The following ANK2 variants were observed in gnomAD, a reference collection of about 807,000 sequenced individuals.
ANK2 encodes the protein ankyrin-2.
ANK2 carries 83 observed loss-of-function variants against 360.5 expected under a neutral mutation model. The ratio of observed to expected loss-of-function variants is 0.23; its 90% CI spans 0.19 to 0.28. The LOEUF is 0.28. Among genes scored for constraint, ANK2 ranks in the 10% least tolerant of loss-of-function variants. The pLI is 1.00. For synonymous variants in ANK2, 1,740 were observed against 1,759.5 expected, an observed-to-expected ratio of 0.99 and a Z score of 0.28; for missense variants, 4,201 against 4,795.7, an observed-to-expected ratio of 0.88 and a Z score of 3.66.
At chr4:113,054,322 T>TAC (rs34708446) in intron 1 of ANK2, among the ~76,000 whole-genome samples, 113,749 of 149,658 alleles carry the variant, frequency 0.76, 43,261 homozygotes, top group East Asian at 0.86. Context: ...ATTTTGAAGG[T>TAC]ACACACACAC....
intron 45 of ANK2, 77 bp downstream of exon 45, chr4:113,373,526 T>C (rs2154075675): frequency 1.4e-6 from 2 of 1,456,966 alleles, no homozygotes; most frequent in Non-Finnish European, 1.9e-6. Context: ...AGTGAGATTG[T>C]TTATTCATAT....
At chr4:113,098,541 G>C (rs919452823) in intron 1 of ANK2, among the ~76,000 whole-genome samples, 7 of 151,878 alleles carry the variant, frequency 4.6e-5, no homozygotes, top group African/African-American at 1.7e-4. Flanking sequence ...TCAAATCAAT[G>C]GTTAATAACC....
the ANK2 span, among the ~76,000 whole-genome samples, chr4:112,727,285 A>G: frequency 6.6e-6 from 1 of 152,080 alleles, no homozygotes; most frequent in Non-Finnish European, 1.5e-5. Flanking sequence ...CCTCAGTTTC[A>G]TCACTTGAAA....
chr4:112,767,700 T>C, the ANK2 span, among the ~76,000 whole-genome samples: 1 of 152,344 alleles, frequency 6.6e-6, no homozygotes, highest in South Asian at 2.1e-4. Context: ...GTTATCTCTC[T>C]GAATATATGT....
chr4:113,039,058 A>G (rs774831085), intron 2 of ANK2, among the ~76,000 whole-genome samples: 10 of 152,238 alleles, frequency 6.6e-5, no homozygotes, highest in Middle Eastern at 3.4e-3. Context: ...TTAGAATGCC[A>G]CCATTCCTGA....
chr4:113,255,122 T>A (rs190351094), intron 10 of ANK2, among the ~76,000 whole-genome samples: 1 of 152,344 alleles, frequency 6.6e-6, no homozygotes, highest in African/African-American at 2.4e-5. Context: ...TATCCTCAAC[T>A]GTAAAAGTTG....
Position 112,918,355 on chromosome 4 carries a change from C to T in ANK2, c.21+13841C>T, listed in dbSNP as rs77324114. On this transcript the variant is annotated intron_variant, in intron 2 of 30. Coordinates refer to the ANK2 transcript ENST00000503271. ...AAATAATTCAGGTTATGAAAGCACC[C>T]GAAAGAACATAAGTGGGAAAGTGAC... Among the ~76,000 whole-genome samples the T allele has an allele frequency of 5.6e-4, 85 of 151,848 alleles. No individual in the cohort carries two copies. The East Asian group carries it at 0.016, about 28-fold the overall frequency.
chr4:113,288,244 T>C, intron 19 of ANK2, 144 bp from the exon 20 acceptor site: 1 of 727,854 alleles, frequency 1.4e-6, no homozygotes, highest in Non-Finnish European at 2.3e-6. Flanking sequence ...GGGGCACATA[T>C]ATAATCTGCT....
At chr4:113,336,910 A>G (rs1263890199) in intron 31 of ANK2, 129 bp downstream of exon 31, 2 of 892,184 alleles carry the variant, frequency 2.2e-6, no homozygotes, top group Non-Finnish European at 3.6e-6. Flanking sequence ...ATACATTTTA[A>G]TTAACTAGGG....
intron 24 of ANK2, among the ~76,000 whole-genome samples, chr4:113,315,148 A>G (rs2082080441): frequency 6.6e-6 from 1 of 152,202 alleles, no homozygotes; most frequent in Admixed American, 6.5e-5. Flanking sequence ...TATTCCTCTC[A>G]GTACAAAACC....
intron 2 of ANK2, among the ~76,000 whole-genome samples, chr4:113,023,017 A>G (rs1257877635): frequency 1.3e-5 from 2 of 152,190 alleles, no homozygotes; most frequent in Non-Finnish European, 2.9e-5. Context: ...TAGCTAATGC[A>G]TGTGGGACCT....
At chr4:112,954,394 C>T (rs2095233834) in intron 2 of ANK2, among the ~76,000 whole-genome samples, 1 of 152,082 alleles carries the variant, frequency 6.6e-6, no homozygotes, top group Non-Finnish European at 1.5e-5. Flanking sequence ...TCTATTTATA[C>T]CATTTACTGT....
intron 23 of ANK2, among the ~76,000 whole-genome samples, chr4:113,308,615 G>A (rs560447900): frequency 3.7e-4 from 56 of 152,302 alleles, no homozygotes; most frequent in African/African-American, 1.3e-3. Flanking sequence ...AAGGAGAATA[G>A]TTTTACAAAG....
chr4:113,306,565 A>T (rs569081329), intron 23 of ANK2, among the ~76,000 whole-genome samples: 24 of 152,362 alleles, frequency 1.6e-4, no homozygotes, highest in African/African-American at 5.8e-4. Flanking sequence ...TATTGAGAAG[A>T]ACCTGGAAGG....
the ANK2 span, among the ~76,000 whole-genome samples, chr4:112,715,394 C>T: frequency 6.6e-6 from 1 of 152,100 alleles, no homozygotes; most frequent in Non-Finnish European, 1.5e-5. Context: ...ATATTAACAT[C>T]ATATTATAAA....
At chr4:112,890,554 T>G (rs2079658472) in intron 1 of ANK2, among the ~76,000 whole-genome samples, 4 of 137,164 alleles carry the variant, frequency 2.9e-5, no homozygotes, top group Non-Finnish European at 4.6e-5. Flanking sequence ...TACATTTCTG[T>G]GGTTTTTTTT....
intron 7 of ANK2, 66 bp from the exon 8 acceptor site, chr4:113,240,419 T>C: frequency 8.1e-7 from 1 of 1,234,934 alleles, no homozygotes; most frequent in Admixed American, 1.7e-5. Flanking sequence ...CCTTCTTCAC[T>C]AATACAATGG....
At chr4:112,981,475 G>A (rs979802212) in intron 2 of ANK2, among the ~76,000 whole-genome samples, 3 of 152,202 alleles carry the variant, frequency 2.0e-5, no homozygotes, top group African/African-American at 7.2e-5. Flanking sequence ...AACCTGGAAT[G>A]AAAGCGACCT....
intron 7 of ANK2, among the ~76,000 whole-genome samples, chr4:113,238,302 T>C (rs1486216660): frequency 3.3e-5 from 5 of 152,208 alleles, no homozygotes; most frequent in Non-Finnish European, 7.4e-5. Context: ...AACACGAACA[T>C]TGTTGATGTA....
Sources: gnomAD v4.1 joint callset for allele counts (sites outside exome capture counted in the v4.1 genomes callset) on GRCh38, gnomAD v4.1.1 for gene constraint, MANE v1.5 for transcripts, NCBI Gene and HGNC (gene_info 2026-07-23, HGNC 2026-07-21) for gene names.